Variants in CELF2 observed in about 807,000 individuals in gnomAD.
The protein encoded by CELF2 is CUGBP Elav-like family member 2.
Under a neutral mutation model 62.6 loss-of-function variants are expected in CELF2, and 8 were observed. The observed-to-expected ratio is 0.13, with a 90% CI of 0.07 to 0.23. CELF2 has a LOEUF of 0.23. CELF2 is among the 10% of genes least tolerant of loss of function. The pLI, the probability that CELF2 is intolerant of heterozygous loss-of-function variation, is 1.00. For missense variants in CELF2, 333 were observed against 671.0 expected, an observed-to-expected ratio of 0.50 and a Z score of 5.56; for synonymous variants, 258 against 250.0, an observed-to-expected ratio of 1.03 and a Z score of -0.30.
intron 1 of CELF2, among the ~76,000 whole-genome samples, chr10:10,830,193 G>C (rs1416720521): frequency 2.0e-5 from 3 of 147,796 alleles, no homozygotes; most frequent in Non-Finnish European, 4.4e-5. Flanking sequence ...TCCCCACTTA[G>C]ATATCTATAA....
the CELF2 span, among the ~76,000 whole-genome samples, chr10:10,556,806 T>A: frequency 6.6e-6 from 1 of 151,698 alleles, no homozygotes; most frequent in Non-Finnish European, 1.5e-5. Context: ...TTTTTTCATG[T>A]GTCTTTTGGC....
chr10:10,511,216 C>A, the CELF2 span, among the ~76,000 whole-genome samples: 2 of 152,090 alleles, frequency 1.3e-5, no homozygotes, highest in African/African-American at 4.8e-5. Flanking sequence ...TCAAGACCAG[C>A]CTGGCAAAAA....
intron 2 of CELF2, among the ~76,000 whole-genome samples, chr10:11,194,299 C>T (rs764104105): frequency 3.3e-5 from 5 of 152,040 alleles, no homozygotes; most frequent in Non-Finnish European, 7.4e-5. Context: ...CTCTTGACCT[C>T]GTGATCCACC....
the CELF2 span, among the ~76,000 whole-genome samples, chr10:10,673,554 A>T: frequency 4.0e-5 from 6 of 151,746 alleles, no homozygotes; most frequent in African/African-American, 1.5e-4. Flanking sequence ...TCTAATTTTT[A>T]TTATTTCTTT....
intron 3 of CELF2, among the ~76,000 whole-genome samples, chr10:11,234,731 G>T (rs1274772764): frequency 6.6e-6 from 1 of 151,836 alleles, no homozygotes; most frequent in Non-Finnish European, 1.5e-5. Flanking sequence ...GGTGGGTGGG[G>T]GTGAGAGGAG....
chr10:10,667,830 T>C, the CELF2 span, among the ~76,000 whole-genome samples: 1 of 152,326 alleles, frequency 6.6e-6, no homozygotes, highest in East Asian at 1.9e-4. Context: ...CCAGCCAGGA[T>C]TATCCTGAGC....
chr10:10,911,650 T>G (rs185896532), intron 1 of CELF2, among the ~76,000 whole-genome samples: 1 of 152,254 alleles, frequency 6.6e-6, no homozygotes, highest in Non-Finnish European at 1.5e-5. Flanking sequence ...GCCTGGGGCC[T>G]GTCCGGACCT....
At chr10:10,808,337 T>C (rs1452285264) in intron 1 of CELF2, among the ~76,000 whole-genome samples, 3 of 152,220 alleles carry the variant, frequency 2.0e-5, no homozygotes, top group African/African-American at 7.2e-5. Flanking sequence ...GTTAAACATT[T>C]CTTTTTATTA....
the CELF2 span, among the ~76,000 whole-genome samples, chr10:10,643,791 T>C: frequency 6.6e-6 from 1 of 152,220 alleles, no homozygotes; most frequent in African/African-American, 2.4e-5. Flanking sequence ...TTTTACTTTA[T>C]GTCTTAACGT....
intron 9 of CELF2, among the ~76,000 whole-genome samples, chr10:11,298,881 T>G (rs1166884792): frequency 1.3e-5 from 2 of 152,046 alleles, no homozygotes; most frequent in Non-Finnish European, 2.9e-5. Context: ...AAAACTAGAA[T>G]AAGGTCCGAT....
At chr10:10,867,110 C>G (rs1162633633) in intron 1 of CELF2, among the ~76,000 whole-genome samples, 7 of 152,026 alleles carry the variant, frequency 4.6e-5, no homozygotes, top group Non-Finnish European at 8.8e-5. Context: ...GTTCAACAAC[C>G]TACTCTCTGG....
At chr10:11,171,168 C>G (rs572576860) in intron 2 of CELF2, 1 of 152,304 alleles carries the variant, frequency 6.6e-6, no homozygotes, top group African/African-American at 2.4e-5. Context: ...CATGGCATAA[C>G]TGCTGTGCAA....
At chr10:11,203,867 A>C (rs2059830601) in intron 2 of CELF2, among the ~76,000 whole-genome samples, 1 of 152,220 alleles carries the variant, frequency 6.6e-6, no homozygotes, top group Non-Finnish European at 1.5e-5. Context: ...CATAAGATTC[A>C]TTGATACTAC....
At chr10:11,104,351 A>G (rs899321750) in intron 1 of CELF2, among the ~76,000 whole-genome samples, 1 of 152,214 alleles carries the variant, frequency 6.6e-6, no homozygotes, top group Non-Finnish European at 1.5e-5. Context: ...CTCTGATGAA[A>G]TTGACCTTAT....
the CELF2 span, among the ~76,000 whole-genome samples, chr10:10,707,285 A>T: frequency 6.6e-6 from 1 of 152,168 alleles, no homozygotes; most frequent in Non-Finnish European, 1.5e-5. Context: ...CTATATCCTC[A>T]ATCTCCAGAT....
chr10:10,751,482 T>C, the CELF2 span, among the ~76,000 whole-genome samples: 7 of 152,328 alleles, frequency 4.6e-5, no homozygotes, highest in East Asian at 1.9e-4. Context: ...CCACCATAGA[T>C]AGTTGTTATA....
At chr10:11,174,858 C>T (rs1596628707) in intron 2 of CELF2, among the ~76,000 whole-genome samples, 1 of 152,228 alleles carries the variant, frequency 6.6e-6, no homozygotes, top group East Asian at 1.9e-4. Context: ...GGAACTGCAT[C>T]CTAGTCAAGT....
At chr10:11,196,208 G>A (rs567062885) in intron 2 of CELF2, among the ~76,000 whole-genome samples, 1 of 152,234 alleles carries the variant, frequency 6.6e-6, no homozygotes, top group African/African-American at 2.4e-5. Context: ...TGGGAAGCAC[G>A]TGAGCAGCGT....
chr10:10,729,349 C>A, the CELF2 span, among the ~76,000 whole-genome samples: 24 of 152,158 alleles, frequency 1.6e-4, no homozygotes, highest in Non-Finnish European at 3.4e-4. Context: ...CAATTCATTT[C>A]TTTTATTGGA....
Sources: gnomAD v4.1 joint callset for allele counts (sites outside exome capture counted in the v4.1 genomes callset) on GRCh38, gnomAD v4.1.1 for gene constraint, MANE v1.5 for transcripts, NCBI Gene and HGNC (gene_info 2026-07-23, HGNC 2026-07-21) for gene names.